Variants in FAIM observed in about 807,000 individuals in gnomAD.
FAIM encodes fas apoptotic inhibitory molecule 1.
FAIM carries 14 observed loss-of-function variants against 21.2 expected under a neutral mutation model. The ratio of observed to expected loss-of-function variants is 0.66; its 90% CI spans 0.44 to 1.03. FAIM has a LOEUF of 1.03. Among genes scored for constraint, FAIM ranks in the 50% least tolerant of loss-of-function variants. The pLI is 0.00. For synonymous variants in FAIM, 86 were observed against 80.4 expected (o/e 1.07, Z -0.37); for missense variants, 222 against 247.1 (o/e 0.90, Z 0.68).
At chr3:138,627,338 C>G (rs536171375) in intron 4 of FAIM, among the ~76,000 whole-genome samples, 1 of 151,922 alleles carries the variant, frequency 6.6e-6, no homozygotes, top group Non-Finnish European at 1.5e-5. Context: ...CCCGCCACTA[C>G]GTCCAGCTAA....
intron 4 of FAIM, 40 bp downstream of exon 4, chr3:138,622,456 T>A (rs545538418): frequency 1.1e-4 from 127 of 1,197,468 alleles, no homozygotes; most frequent in Non-Finnish European, 1.2e-4. Flanking sequence ...TTTTTTTTTT[T>A]TATAATGTCT....
At position 138,633,192 on chromosome 3, in the gene FAIM, A is replaced by G. The variant is rs867462661; in HGVS notation, c.*113A>G. On this transcript the variant is annotated 3_prime_UTR_variant, in exon 6 of 6. Transcript: ENST00000360570. ...AGTCTGCAATGTTTTAATTTTTTAA[A>G]AAGTTACATGAAACTAACATTCCAA... is the stretch of plus-strand genomic sequence containing the variant. 5 of 955,942 alleles carry G rather than the reference A, an allele frequency of 5.2e-6. No homozygotes were observed. The highest frequency in any genetic ancestry group is 6.7e-4 in the Middle Eastern group (2 of 2,998). The allele number at this position is 955,942 out of a possible 1,614,324, so 59.2% of individuals were successfully genotyped here.
chr3:138,621,843 C>T (rs1479748228), intron 3 of FAIM, among the ~76,000 whole-genome samples: 1 of 151,704 alleles, frequency 6.6e-6, no homozygotes, highest in East Asian at 1.9e-4. Context: ...AGTGCAGTGG[C>T]GCAGTCTCAG....
chr3:138,632,171 G>C (rs1360244732), intron 5 of FAIM, among the ~76,000 whole-genome samples: 2 of 149,736 alleles, frequency 1.3e-5, no homozygotes, highest in Non-Finnish European at 3.0e-5. Context: ...GGACCTTCAT[G>C]TGTAATTTTA....
At chr3:138,628,071 G>A (rs912135627) in intron 4 of FAIM, among the ~76,000 whole-genome samples, 2 of 152,058 alleles carry the variant, frequency 1.3e-5, no homozygotes, top group Non-Finnish European at 2.9e-5. Flanking sequence ...ATTTGCAAGG[G>A]GCTCTGGGGA....
chr3:138,619,430 G>A (rs891145895), intron 1 of FAIM, among the ~76,000 whole-genome samples: 1 of 152,192 alleles, frequency 6.6e-6, no homozygotes, highest in Non-Finnish European at 1.5e-5. Flanking sequence ...CAACAAAGGA[G>A]AGTTTGTTCT....
intron 1 of FAIM, chr3:138,610,989 T>C (rs1459122172): frequency 2.5e-6 from 4 of 1,613,806 alleles, no homozygotes; most frequent in Non-Finnish European, 3.4e-6. Flanking sequence ...ACACTCCCAC[T>C]GTTGTGCTAT....
At chr3:138,614,523 G>T (rs892618057) in intron 1 of FAIM, among the ~76,000 whole-genome samples, 1 of 152,120 alleles carries the variant, frequency 6.6e-6, no homozygotes, top group African/African-American at 2.4e-5. Flanking sequence ...TTCAAATGTT[G>T]AATGGAAAAA....
chr3:138,615,249 C>T (rs952094206), intron 1 of FAIM, among the ~76,000 whole-genome samples: 1 of 152,202 alleles, frequency 6.6e-6, no homozygotes, highest in African/African-American at 2.4e-5. Context: ...CTACCAAACA[C>T]GTATCTCTTT....
At chr3:138,627,056 C>T (rs2042946800) in intron 4 of FAIM, among the ~76,000 whole-genome samples, 1 of 152,094 alleles carries the variant, frequency 6.6e-6, no homozygotes, top group Non-Finnish European at 1.5e-5. Context: ...TCATAGTCTT[C>T]ACATTAGTAA....
chr3:138,615,747 T>C (rs1344422487), intron 1 of FAIM, among the ~76,000 whole-genome samples: 1 of 152,210 alleles, frequency 6.6e-6, no homozygotes, highest in Non-Finnish European at 1.5e-5. Context: ...ACCTGTTGCA[T>C]TTGTGGCTAT....
intron 5 of FAIM, 101 bp from the exon 6 acceptor site, chr3:138,632,829 C>T: frequency 1.8e-6 from 2 of 1,128,010 alleles, no homozygotes; most frequent in Non-Finnish European, 1.2e-6. Context: ...TTAACTAATA[C>T]ATTATTTTAT....
intron 1 of FAIM, among the ~76,000 whole-genome samples, chr3:138,617,445 T>C (rs1447832164): frequency 1.4e-5 from 2 of 147,026 alleles, no homozygotes; most frequent in Non-Finnish European, 3.0e-5. Context: ...TATATAAATA[T>C]ATATATAGTA....
At chr3:138,624,508 C>T (rs1560498222) in intron 4 of FAIM, among the ~76,000 whole-genome samples, 1 of 152,186 alleles carries the variant, frequency 6.6e-6, no homozygotes, top group African/African-American at 2.4e-5. Context: ...GGAAATGAGA[C>T]AGAGTTCAGC....
intron 5 of FAIM, chr3:138,629,404 C>T (rs2042978101): frequency 2.7e-6 from 1 of 375,728 alleles, no homozygotes; most frequent in East Asian, 4.5e-5. Flanking sequence ...CTGTCCTGGA[C>T]CAGGCTCCAG....
At chr3:138,609,880 G>C (rs1043120047) in intron 1 of FAIM, among the ~76,000 whole-genome samples, 4 of 151,984 alleles carry the variant, frequency 2.6e-5, no homozygotes, top group Non-Finnish European at 4.4e-5. Flanking sequence ...TAGAATCCAC[G>C]GTCTATACCA....
intron 1 of FAIM, among the ~76,000 whole-genome samples, chr3:138,611,482 T>C (rs1032171720): frequency 1.3e-5 from 2 of 152,172 alleles, no homozygotes; most frequent in African/African-American, 4.8e-5. Context: ...ATTGTCACTA[T>C]CTATTTGCCA....
At chr3:138,616,585 C>T (rs1157650133) in intron 1 of FAIM, among the ~76,000 whole-genome samples, 1 of 152,098 alleles carries the variant, frequency 6.6e-6, no homozygotes, top group Non-Finnish European at 1.5e-5. Flanking sequence ...TCTCGAGTTC[C>T]TGGCTTCAAA....
chr3:138,617,647 A>C (rs886088547), intron 1 of FAIM, among the ~76,000 whole-genome samples: 22 of 141,250 alleles, frequency 1.6e-4, no homozygotes, highest in African/African-American at 5.9e-4. Flanking sequence ...TATCATATCT[A>C]TATATATAAT....
Sources: gnomAD v4.1 joint callset for allele counts (sites outside exome capture counted in the v4.1 genomes callset) on GRCh38, gnomAD v4.1.1 for gene constraint, MANE v1.5 for transcripts, NCBI Gene and HGNC (gene_info 2026-07-23, HGNC 2026-07-21) for gene names.